Variants in NOX4 observed in about 807,000 individuals in gnomAD.
NOX4 encodes NADPH oxidase 4, also known as kidney oxidase-1.
A neutral mutation model predicts 87.6 loss-of-function variants in NOX4; 69 were observed. The ratio of observed to expected loss-of-function variants is 0.79; its 90% CI spans 0.65 to 0.96. The LOEUF (loss-of-function observed/expected upper bound fraction) is 0.96, where lower values mean the gene tolerates loss of function less well. Among genes scored for constraint, NOX4 ranks in the 40% least tolerant of loss-of-function variants. The pLI is 0.00. For missense variants in NOX4, 680 were observed against 681.5 expected, an observed-to-expected ratio of 1.00 and a Z score of 0.02; for synonymous variants, 275 against 238.2, an observed-to-expected ratio of 1.15 and a Z score of -1.42.
At chr11:89,560,988 C>CTATATATA in the NOX4 span, among the ~76,000 whole-genome samples, 8 of 75,608 alleles carry the variant, frequency 1.1e-4, no homozygotes, top group Admixed American at 4.5e-4. Flanking sequence ...CTCTCTCTCT[C>CTATATATA]TCTCTCTCTA....
At chr11:89,577,958 A>C in the NOX4 span, among the ~76,000 whole-genome samples, 2 of 152,148 alleles carry the variant, frequency 1.3e-5, no homozygotes, top group African/African-American at 4.8e-5. Context: ...TTATATATTA[A>C]TGCACATCTG....
At chr11:89,405,080 TTGTGTG>T (rs71472257) in intron 8 of NOX4, among the ~76,000 whole-genome samples, 40 of 133,294 alleles carry the variant, frequency 3.0e-4, no homozygotes, top group African/African-American at 8.2e-4. Context: ...AAAAGTCAGA[TTGTGTG>T]TGTGTGTGTG....
intron 7 of NOX4, among the ~76,000 whole-genome samples, chr11:89,432,495 A>G (rs531761212): frequency 2.4e-4 from 36 of 152,242 alleles, no homozygotes; most frequent in Admixed American, 3.9e-4. Context: ...CCCGTGTCCC[A>G]TAGAGATACA....
intron 11 of NOX4, among the ~76,000 whole-genome samples, chr11:89,379,348 G>A (rs986066923): frequency 6.6e-6 from 1 of 151,724 alleles, no homozygotes; most frequent in African/African-American, 2.4e-5. Flanking sequence ...GTAATAGGAG[G>A]AAGTTAGAGT....
chr11:89,427,487 C>T (rs375111189), intron 7 of NOX4, among the ~76,000 whole-genome samples: 217 of 152,094 alleles, frequency 1.4e-3, no homozygotes, highest in South Asian at 9.3e-3. Flanking sequence ...AAAAATTAGA[C>T]GAATGGCTAA....
intron 11 of NOX4, among the ~76,000 whole-genome samples, chr11:89,391,129 T>C (rs1319114875): frequency 6.6e-6 from 1 of 152,154 alleles, no homozygotes; most frequent in African/African-American, 2.4e-5. Context: ...TACTGTGCTA[T>C]GAATTCATCT....
intron 6 of NOX4, among the ~76,000 whole-genome samples, chr11:89,438,847 TATATA>T (rs1157918483): frequency 5.4e-4 from 15 of 27,906 alleles, no homozygotes; most frequent in African/African-American, 3.3e-3. Flanking sequence ...TTATATATAT[TATATA>T]ATATATTATA....
intron 11 of NOX4, among the ~76,000 whole-genome samples, chr11:89,386,864 T>G (rs1940747759): frequency 2.0e-5 from 3 of 152,170 alleles, no homozygotes; most frequent in Non-Finnish European, 4.4e-5. Flanking sequence ...TCTTAGTCCT[T>G]TAATACTTGT....
chr11:89,417,784 C>T (rs1942864759), intron 8 of NOX4, among the ~76,000 whole-genome samples: 1 of 151,992 alleles, frequency 6.6e-6, no homozygotes, highest in Non-Finnish European at 1.5e-5. Context: ...TGTCTATATT[C>T]TGCCTACTTT....
At chr11:89,561,940 T>A in the NOX4 span, among the ~76,000 whole-genome samples, 1 of 152,096 alleles carries the variant, frequency 6.6e-6, no homozygotes, top group Non-Finnish European at 1.5e-5. Context: ...CATACATGAA[T>A]ATGCCCTGTA....
the NOX4 span, among the ~76,000 whole-genome samples, chr11:89,584,146 A>C: frequency 4.6e-5 from 7 of 152,240 alleles, no homozygotes; most frequent in South Asian, 1.5e-3. Context: ...AGTATTTCTC[A>C]TTCCCTCAGG....
chr11:89,549,692 T>G, the NOX4 span, among the ~76,000 whole-genome samples: 1 of 152,130 alleles, frequency 6.6e-6, no homozygotes, highest in Admixed American at 6.5e-5. Flanking sequence ...TCCCTGTGTC[T>G]ATGTGTTCTC....
intron 11 of NOX4, among the ~76,000 whole-genome samples, chr11:89,381,442 G>A (rs560189606): frequency 2.0e-5 from 3 of 152,102 alleles, no homozygotes; most frequent in Admixed American, 2.0e-4. Context: ...TGGCCCAAAA[G>A]CTCCCCCACT....
intron 7 of NOX4, among the ~76,000 whole-genome samples, chr11:89,431,837 C>A (rs1422946205): frequency 1.3e-5 from 2 of 152,088 alleles, no homozygotes; most frequent in Non-Finnish European, 2.9e-5. Flanking sequence ...TTGACCCAGC[C>A]ATCCCATTAC....
At chr11:89,366,866 G>T (rs1015096917) in intron 12 of NOX4, among the ~76,000 whole-genome samples, 1 of 151,956 alleles carries the variant, frequency 6.6e-6, no homozygotes, top group Non-Finnish European at 1.5e-5. Flanking sequence ...TTTTAAGTGA[G>T]CTGTAACCTA....
the NOX4 span, among the ~76,000 whole-genome samples, chr11:89,571,933 A>T: frequency 6.6e-6 from 1 of 152,152 alleles, no homozygotes; most frequent in East Asian, 1.9e-4. Flanking sequence ...TCTCCACTGC[A>T]TTGTTTATGT....
chr11:89,452,643 A>T, intron 2 of NOX4, among the ~76,000 whole-genome samples: 1 of 152,138 alleles, frequency 6.6e-6, no homozygotes, highest in East Asian at 1.9e-4. Context: ...TGAAATGACC[A>T]AATCAAGCTA....
chr11:89,472,108 C>A (rs191724140), intron 2 of NOX4, among the ~76,000 whole-genome samples: 150 of 152,254 alleles, frequency 9.9e-4, no homozygotes, highest in African/African-American at 3.3e-3. Context: ...TGATGAAGAA[C>A]ATGTCATGAG....
chr11:89,437,490 C>G (rs1392879609), intron 6 of NOX4, among the ~76,000 whole-genome samples: 1 of 152,144 alleles, frequency 6.6e-6, no homozygotes, highest in African/African-American at 2.4e-5. Flanking sequence ...TTAGGGAGCC[C>G]TGTGTCTGAG....
Sources: allele counts gnomAD v4.1 joint callset (sites outside exome capture counted in the v4.1 genomes callset), GRCh38; gene constraint gnomAD v4.1.1; transcripts MANE v1.5; gene names NCBI Gene and HGNC (gene_info 2026-07-23, HGNC 2026-07-21).